NAALADL2: variants seen among roughly 807,000 people sequenced by gnomAD.
NAALADL2 encodes the protein inactive N-acetylated-alpha-linked acidic dipeptidase-like protein 2.
In NAALADL2, 76 loss-of-function variants were observed where a neutral mutation model predicts 87.2. The observed-to-expected ratio is 0.87, with a 90% CI of 0.72 to 1.05. The LOEUF (loss-of-function observed/expected upper bound fraction) is 1.05, where lower values mean the gene tolerates loss of function less well. Among genes scored for constraint, NAALADL2 ranks in the 50% least tolerant of loss-of-function variants. NAALADL2 has a pLI of 0.00. For missense variants in NAALADL2, 1,089 were observed against 945.8 expected, an observed-to-expected ratio of 1.15 and a Z score of -1.99; for synonymous variants, 354 against 331.0, an observed-to-expected ratio of 1.07 and a Z score of -0.75.
chr3:175,314,158 T>A (rs1292004800), intron 4 of NAALADL2, among the ~76,000 whole-genome samples: 1 of 151,950 alleles, frequency 6.6e-6, no homozygotes, highest in East Asian at 1.9e-4. Flanking sequence ...AATAAAATGT[T>A]ACTGCCGTGT....
In NAALADL2 at chr3:175,367,548, G is replaced by T. The variant is rs552227029; in HGVS notation, c.1090+43223G>T. ...CTTTTATTTCCTTGAGCAGTGGTTTGTAGTTCTCCTTGAAGAGGTCCTCCA... is the reference window on the plus strand; with the variant it reads ...CTTTTATTTCCTTGAGCAGTGGTTTTTAGTTCTCCTTGAAGAGGTCCTCCA... On this transcript the variant is annotated intron_variant, in intron 5 of 13. Transcript: ENST00000454872. Among the ~76,000 whole-genome samples, 3 of 152,274 alleles carry T rather than the reference G, an allele frequency of 2.0e-5. No homozygotes were observed. In the East Asian group the frequency reaches 5.8e-4, roughly 29 times the overall value.
intron 9 of NAALADL2, among the ~76,000 whole-genome samples, chr3:175,523,597 C>G (rs1012607065): frequency 5.9e-5 from 9 of 152,152 alleles, no homozygotes; most frequent in South Asian, 4.1e-4. Context: ...TCTCTAGAAG[C>G]GAAGCAATGG....
intron 3 of NAALADL2, among the ~76,000 whole-genome samples, chr3:174,739,846 G>A (rs1286096561): frequency 6.6e-6 from 1 of 151,908 alleles, no homozygotes; most frequent in South Asian, 2.1e-4. Context: ...TCTTGTATTA[G>A]CAAAAAGTAT....
chr3:174,627,155 A>G (rs548989061), intron 2 of NAALADL2, among the ~76,000 whole-genome samples: 221 of 152,256 alleles, frequency 1.5e-3, no homozygotes, highest in Non-Finnish European at 2.1e-4. Context: ...GTAGTATAAT[A>G]GTATTTTGAA....
intron 1 of NAALADL2, among the ~76,000 whole-genome samples, chr3:174,877,302 G>A (rs1728629849): frequency 6.6e-6 from 1 of 152,098 alleles, no homozygotes; most frequent in Non-Finnish European, 1.5e-5. Context: ...ATTCAGTACT[G>A]ATGGTTAACA....
chr3:175,644,539 T>C (rs1415532568), intron 11 of NAALADL2, among the ~76,000 whole-genome samples: 1 of 152,166 alleles, frequency 6.6e-6, no homozygotes, highest in African/African-American at 2.4e-5. Flanking sequence ...CTACACTACA[T>C]ATCAAGATGA....
intron 1 of NAALADL2, among the ~76,000 whole-genome samples, chr3:174,478,601 T>C (rs1268113820): frequency 1.3e-5 from 2 of 152,144 alleles, no homozygotes; most frequent in Non-Finnish European, 2.9e-5. Context: ...TTGGAAAATA[T>C]ATTCAATGGC....
At chr3:175,585,982 G>A (rs1467911591) in intron 10 of NAALADL2, among the ~76,000 whole-genome samples, 3 of 152,080 alleles carry the variant, frequency 2.0e-5, no homozygotes, top group African/African-American at 7.2e-5. Context: ...TAATTTAGAT[G>A]ATTTTTTTAA....
At chr3:175,296,109 T>G (rs912770053) in intron 4 of NAALADL2, among the ~76,000 whole-genome samples, 9 of 152,240 alleles carry the variant, frequency 5.9e-5, no homozygotes, top group African/African-American at 1.9e-4. Flanking sequence ...ACAAGCTCTC[T>G]GAAGATATAG....
intron 9 of NAALADL2, among the ~76,000 whole-genome samples, chr3:175,514,637 G>A (rs1303582267): frequency 6.6e-6 from 1 of 152,118 alleles, no homozygotes; most frequent in South Asian, 2.1e-4. Context: ...AAAAGTGCAG[G>A]AAACAGTTAC....
chr3:174,895,400 G>A (rs560707865), intron 1 of NAALADL2, among the ~76,000 whole-genome samples: 7 of 152,184 alleles, frequency 4.6e-5, no homozygotes, highest in African/African-American at 1.7e-4. Flanking sequence ...ACTATGAGCA[G>A]CTGTACGCCA....
chr3:175,118,746 G>A (rs1364397245), intron 2 of NAALADL2, among the ~76,000 whole-genome samples: 2 of 151,760 alleles, frequency 1.3e-5, no homozygotes, highest in African/African-American at 2.4e-5. Context: ...CACAATCTCT[G>A]CTGTAACAAT....
chr3:175,156,155 A>C (rs1732278988), intron 2 of NAALADL2, among the ~76,000 whole-genome samples: 1 of 152,164 alleles, frequency 6.6e-6, no homozygotes, highest in African/African-American at 2.4e-5. Context: ...TCTTATTTTC[A>C]AATTTAAATG....
intron 1 of NAALADL2, among the ~76,000 whole-genome samples, chr3:174,872,755 C>T (rs1031749980): frequency 9.9e-4 from 150 of 151,710 alleles, no homozygotes; most frequent in Non-Finnish European, 1.3e-3. Flanking sequence ...CACACACACA[C>T]ATTTCATGTA....
chr3:175,061,728 AATATATAT>A (rs149495848), intron 1 of NAALADL2, among the ~76,000 whole-genome samples: 4,269 of 141,550 alleles, frequency 0.03, 229 homozygotes, highest in African/African-American at 0.1. Flanking sequence ...CACTTGCACA[AATATATAT>A]ATATATATAT....
intron 3 of NAALADL2, among the ~76,000 whole-genome samples, chr3:174,781,851 G>C (rs1437051391): frequency 1.3e-5 from 2 of 152,092 alleles, no homozygotes; most frequent in Non-Finnish European, 2.9e-5. Flanking sequence ...GTTTGTGCCA[G>C]GCTGTAGCAG....
intron 1 of NAALADL2, among the ~76,000 whole-genome samples, chr3:175,012,366 C>T (rs1749948080): frequency 6.6e-6 from 1 of 151,928 alleles, no homozygotes; most frequent in Non-Finnish European, 1.5e-5. Flanking sequence ...CGGAGTTTCA[C>T]CGTGTTAGCC....
chr3:174,447,119 T>G (rs1000489229), intron 1 of NAALADL2, among the ~76,000 whole-genome samples: 2 of 152,228 alleles, frequency 1.3e-5, no homozygotes, highest in Non-Finnish European at 2.9e-5. Context: ...ATGTGAGAGA[T>G]ACATCCTAGA....
chr3:174,920,816 T>C (rs1279815209), intron 1 of NAALADL2, among the ~76,000 whole-genome samples: 1 of 152,234 alleles, frequency 6.6e-6, no homozygotes, highest in African/African-American at 2.4e-5. Context: ...TATATGTTAC[T>C]CTTCTTTTCA....
Sources: gnomAD v4.1 joint callset for allele counts (sites outside exome capture counted in the v4.1 genomes callset) on GRCh38, gnomAD v4.1.1 for gene constraint, MANE v1.5 for transcripts, NCBI Gene and HGNC (gene_info 2026-07-23, HGNC 2026-07-21) for gene names.